AZIN2: variants seen among roughly 807,000 people sequenced by gnomAD.
AZIN2 encodes ODC antizyme inhibitor-2.
A neutral mutation model predicts 47.8 loss-of-function variants in AZIN2; 28 were observed. That is an observed-to-expected ratio of 0.59 (90% CI 0.43 to 0.80). AZIN2 has a LOEUF of 0.80. Among genes scored for constraint, AZIN2 ranks in the 30% least tolerant of loss-of-function variants. The probability of loss-of-function intolerance (pLI) is 0.00; values close to 1 mark genes in which losing one functional copy is unlikely to be tolerated. For missense variants in AZIN2, 535 were observed against 582.5 expected (o/e 0.92, Z 0.84); for synonymous variants, 221 against 239.4 (o/e 0.92, Z 0.71).
At chr1:33,125,085 T>C (rs1644847826), downstream of AZIN2, among the ~76,000 whole-genome samples, 1 of 152,174 alleles carries the variant, frequency 6.6e-6, no homozygotes, top group Admixed American at 6.5e-5. Context: ...GAGACGCAAG[T>C]TGTCAACTCT....
rs1643605406 is a variant in AZIN2 at position 33,100,585 on chromosome 1, G to A, written c.1029+2406G>A. On this transcript the variant is annotated intron_variant, in intron 10 of 11. Coordinates refer to ENST00000294517, the MANE Select transcript of AZIN2 (RefSeq NM_052998.4). ...AACACGTGTGTGTGTGTGTGTGTGT[G>A]TGTGATTAGTATACAAGCTACAACC... Among the ~76,000 whole-genome samples the A allele has an allele frequency of 2.0e-5, 3 of 152,018 alleles. No homozygotes were observed. The South Asian group carries it at 6.2e-4, about 32-fold the overall frequency.
chr1:33,164,905 C>T, the AZIN2 span: 5 of 152,208 alleles, frequency 3.3e-5, no homozygotes, highest in African/African-American at 9.6e-5. Flanking sequence ...GTCTCAGTCT[C>T]CAGAGTAGCT....
the AZIN2 span, chr1:33,165,491 G>T: frequency 2.5e-6 from 4 of 1,607,388 alleles, no homozygotes; most frequent in Non-Finnish European, 3.4e-6. This position sits in a 1 kb window ranked among gnomAD's most constrained non-coding sequence, Gnocchi z 4.0. Flanking sequence ...GCCAGTTGTC[G>T]CTTGAGCAGC....
chr1:33,126,200 G>A (rs532542552), downstream of AZIN2, among the ~76,000 whole-genome samples: 1 of 152,282 alleles, frequency 6.6e-6, no homozygotes, highest in South Asian at 2.1e-4. Flanking sequence ...TCATGTAGAT[G>A]TTCAAGAAAT....
chr1:33,097,473 A>G (rs1643279324), intron 9 of AZIN2, among the ~76,000 whole-genome samples: 1 of 152,172 alleles, frequency 6.6e-6, no homozygotes, highest in African/African-American at 2.4e-5. Flanking sequence ...CAGATAGGTC[A>G]GGGATAGCAG....
the AZIN2 span, among the ~76,000 whole-genome samples, chr1:33,132,927 A>C: frequency 2.6e-5 from 4 of 152,250 alleles, no homozygotes; most frequent in African/African-American, 7.2e-5. Context: ...GGAATGTTTT[A>C]AGATGGGAGA....
At chr1:33,155,909 G>A in the AZIN2 span, among the ~76,000 whole-genome samples, 3 of 152,150 alleles carry the variant, frequency 2.0e-5, no homozygotes, top group East Asian at 1.9e-4. Flanking sequence ...TTCTCTATCT[G>A]CAAACCTCTC....
At chr1:33,117,848 GC>G in intron 10 of AZIN2, 53 bp from the exon 11 acceptor site, 1 of 1,596,236 alleles carries the variant, frequency 6.3e-7, no homozygotes, top group East Asian at 2.2e-5. Flanking sequence ...GGAGGGAGTG[GC>G]AAGGCTGTTG....
intron 10 of AZIN2, among the ~76,000 whole-genome samples, chr1:33,112,974 T>C (rs1399680765): frequency 1.3e-5 from 2 of 152,320 alleles, no homozygotes; most frequent in East Asian, 3.9e-4. Flanking sequence ...ATGAAGGTTT[T>C]ATTTATTTAT....
the AZIN2 span, chr1:33,165,322 C>T: frequency 6.7e-5 from 44 of 656,062 alleles, no homozygotes; most frequent in African/African-American, 6.8e-4. This position sits in a 1 kb window ranked among gnomAD's most constrained non-coding sequence, Gnocchi z 4.0. Context: ...CTCTTCCCCA[C>T]CCTGCCCTTC....
In AZIN2 at chr1:33,120,964, A is replaced by G. The variant is rs1230006274; in HGVS notation, c.*782A>G. ...GCAGGTTGGCAAGGCAGTCAGAGTA[A>G]AGCAGACACCTGGTGGTCGCTTTTG... On this transcript the variant is annotated 3_prime_UTR_variant, in exon 12 of 12. Coordinates refer to ENST00000294517, the MANE Select transcript of AZIN2 (RefSeq NM_052998.4). Among the ~76,000 whole-genome samples, 6 of 152,216 alleles carry G rather than the reference A, an allele frequency of 3.9e-5. No individual in the cohort carries two copies. The highest frequency in any genetic ancestry group is 7.3e-5 in the Non-Finnish European group (5 of 68,036).
At chr1:33,100,288 T>C (rs1296391572) in intron 10 of AZIN2, among the ~76,000 whole-genome samples, 3 of 147,226 alleles carry the variant, frequency 2.0e-5, no homozygotes, top group African/African-American at 7.6e-5. Flanking sequence ...GCCATTGCAC[T>C]CCAGCCTGGG....
At chr1:33,092,720 C>T (rs1373130493) in intron 6 of AZIN2, among the ~76,000 whole-genome samples, 1 of 151,748 alleles carries the variant, frequency 6.6e-6, no homozygotes, top group Non-Finnish European at 1.5e-5. Context: ...GTGTGGCTGA[C>T]GCATGCTATG....
chr1:33,083,907 G>T (rs772792873), intron 4 of AZIN2, 47 bp from the exon 5 acceptor site: 1 of 1,608,742 alleles, frequency 6.2e-7, no homozygotes, highest in South Asian at 1.1e-5. Flanking sequence ...CATGCACAGG[G>T]TGCGAGCTGG....
At chr1:33,128,930 G>T in the AZIN2 span, among the ~76,000 whole-genome samples, 1 of 152,200 alleles carries the variant, frequency 6.6e-6, no homozygotes, top group Admixed American at 6.5e-5. Flanking sequence ...AAAGCACAGG[G>T]CACCAAGGGA....
intron 10 of AZIN2, among the ~76,000 whole-genome samples, chr1:33,116,589 C>G (rs1199414728): frequency 6.6e-6 from 1 of 151,776 alleles, no homozygotes; most frequent in Non-Finnish European, 1.5e-5. Context: ...GCCTGCTAGG[C>G]ATTGAGGAGA....
At chr1:33,126,851 A>G (rs565025075), downstream of AZIN2, among the ~76,000 whole-genome samples, 3 of 152,314 alleles carry the variant, frequency 2.0e-5, 1 homozygote, top group South Asian at 4.1e-4. Context: ...TCTCATTGCA[A>G]TATTTGGGAT....
chr1:33,098,321 T>C, intron 10 of AZIN2, 142 bp downstream of exon 10: 2 of 610,586 alleles, frequency 3.3e-6, no homozygotes, highest in Admixed American at 6.8e-5. Context: ...TTATCACCCA[T>C]AATCCCACCA....
rs763096082 is a variant in AZIN2, at chr1:33,092,056, A to G, written c.286A>G (p.Met96Val). The change falls in exon 6 of 12, where the codon ATG becomes GTG. Residue 96 changes from methionine (M) to valine (V), a missense_variant. Met to Val is a conservative substitution (Grantham distance 21, BLOSUM62 1). Around this residue, in one of 3 missense-constraint regions of AZIN2, gnomAD observed 409 missense variants for 429.0 expected, o/e 0.95. Coordinates refer to ENST00000294517, the MANE Select transcript of AZIN2 (RefSeq NM_052998.4). ...LGFSCANKAE[M>V]ELVQHIGIPA... ...CACCTTTGGGGCCCCATAGGCAGAG[A>G]TGGAGTTGGTCCAGCATATTGGAAT... is the stretch of plus-strand genomic sequence containing the variant. The G allele has an allele frequency of 7.4e-6, 12 of 1,613,576 alleles. No homozygotes were observed. The highest frequency in any genetic ancestry group is 7.6e-6 in the Non-Finnish European group (9 of 1,179,692).
Sources: allele counts gnomAD v4.1 joint callset (sites outside exome capture counted in the v4.1 genomes callset), GRCh38; gene constraint gnomAD v4.1.1; regional missense constraint gnomAD v4.1.1; non-coding constraint Gnocchi (gnomAD v3.1); transcripts MANE v1.5; gene names NCBI Gene and HGNC (gene_info 2026-07-23, HGNC 2026-07-21).